Variants in SGCZ observed in about 807,000 individuals in gnomAD.
SGCZ encodes the protein sarcoglycan zeta, also known as zeta-sarcoglycan.
In SGCZ, 40 loss-of-function variants were observed where a neutral mutation model predicts 41.3. The observed-to-expected ratio is 0.97, with a 90% CI of 0.75 to 1.26. The LOEUF is 1.26. Ranked by LOEUF, SGCZ falls within the 50% of genes most tolerant of loss-of-function variation. SGCZ has a pLI of 0.00. For synonymous variants in SGCZ, 206 were observed against 137.5 expected (o/e 1.50, Z -3.49); for missense variants, 552 against 369.8 (o/e 1.49, Z -4.04).
At chr8:15,200,989 C>T (rs982660402) in intron 1 of SGCZ, among the ~76,000 whole-genome samples, 1 of 152,122 alleles carries the variant, frequency 6.6e-6, no homozygotes, top group African/African-American at 2.4e-5. Flanking sequence ...TCTCCCTTCC[C>T]CCACTACCAA....
At chr8:14,342,914 G>C (rs1276837716) in intron 2 of SGCZ, among the ~76,000 whole-genome samples, 1 of 152,290 alleles carries the variant, frequency 6.6e-6, no homozygotes, top group Admixed American at 6.5e-5. Flanking sequence ...GGAGGAAAAA[G>C]TGGTTTTGTG....
At chr8:14,710,287 G>C (rs1001486349) in intron 1 of SGCZ, among the ~76,000 whole-genome samples, 3 of 149,592 alleles carry the variant, frequency 2.0e-5, no homozygotes, top group Non-Finnish European at 4.4e-5. Flanking sequence ...GGGGAATGGA[G>C]TGAACCCGGC....
At chr8:14,264,852 A>C (rs4831290) in intron 3 of SGCZ, among the ~76,000 whole-genome samples, 38,826 of 151,926 alleles carry the variant, frequency 0.26, 6,345 homozygotes, top group Non-Finnish European at 0.37. Flanking sequence ...AGTCCCAGCT[A>C]CTCGGGAGGC....
At chr8:14,753,989 C>A (rs1300154241) in intron 1 of SGCZ, among the ~76,000 whole-genome samples, 1 of 152,092 alleles carries the variant, frequency 6.6e-6, no homozygotes, top group Non-Finnish European at 1.5e-5. Flanking sequence ...GTGGACTTTA[C>A]CTACTGTTTC....
intron 1 of SGCZ, among the ~76,000 whole-genome samples, chr8:14,649,745 C>T (rs923658454): frequency 6.6e-6 from 1 of 151,984 alleles, no homozygotes; most frequent in South Asian, 2.1e-4. Context: ...GAAACAAACG[C>T]CTGTGAGGCT....
At chr8:14,136,319 A>G (rs1803196913) in intron 5 of SGCZ, among the ~76,000 whole-genome samples, 1 of 152,182 alleles carries the variant, frequency 6.6e-6, no homozygotes, top group Admixed American at 6.5e-5. Flanking sequence ...GGTGCAGCCC[A>G]TGAAGTGTGA....
At chr8:14,455,264 C>T (rs1246156522) in intron 2 of SGCZ, among the ~76,000 whole-genome samples, 2 of 151,898 alleles carry the variant, frequency 1.3e-5, no homozygotes, top group South Asian at 2.1e-4. Context: ...GAACTTCAAA[C>T]AGGTAAAAAA....
chr8:14,348,304 A>G (rs184351509), intron 2 of SGCZ, among the ~76,000 whole-genome samples: 97 of 152,216 alleles, frequency 6.4e-4, no homozygotes, highest in African/African-American at 2.3e-3. Flanking sequence ...GCTTGAATCC[A>G]GACATCTCCC....
chr8:14,355,197 G>T (rs1291438700), intron 2 of SGCZ, among the ~76,000 whole-genome samples: 2 of 151,960 alleles, frequency 1.3e-5, no homozygotes, highest in Admixed American at 6.6e-5. Flanking sequence ...GCCACAAGCA[G>T]ATGTTTCATT....
At chr8:14,702,942 T>TAGAC (rs1193719175) in intron 1 of SGCZ, among the ~76,000 whole-genome samples, 1 of 126,790 alleles carries the variant, frequency 7.9e-6, no homozygotes, top group Non-Finnish European at 1.7e-5. Context: ...GATAGATAGA[T>TAGAC]AGATAGATAG....
chr8:14,136,373 G>A (rs548562134), intron 5 of SGCZ, among the ~76,000 whole-genome samples: 6 of 152,210 alleles, frequency 3.9e-5, no homozygotes, highest in East Asian at 3.9e-4. Flanking sequence ...AAGCTCAAGG[G>A]GTCAGAGAAT....
At chr8:14,672,502 T>G (rs571855960) in intron 1 of SGCZ, among the ~76,000 whole-genome samples, 2 of 152,300 alleles carry the variant, frequency 1.3e-5, no homozygotes, top group African/African-American at 4.8e-5. Context: ...ATATATGTTT[T>G]AAAGATGATT....
intron 1 of SGCZ, among the ~76,000 whole-genome samples, chr8:15,175,448 T>C (rs1458935421): frequency 1.3e-5 from 2 of 152,082 alleles, no homozygotes; most frequent in Non-Finnish European, 2.9e-5. Flanking sequence ...GAAAATCAGA[T>C]ACTGGATGAT....
intron 1 of SGCZ, among the ~76,000 whole-genome samples, chr8:14,741,974 G>C (rs1186678332): frequency 6.6e-6 from 1 of 151,864 alleles, no homozygotes; most frequent in South Asian, 2.1e-4. Flanking sequence ...CGTCTGTTTA[G>C]TCCTCCATAT....
chr8:14,794,040 G>T (rs1051708467), intron 1 of SGCZ, among the ~76,000 whole-genome samples: 1 of 152,040 alleles, frequency 6.6e-6, no homozygotes, highest in Non-Finnish European at 1.5e-5. Context: ...TAATAAAGAA[G>T]AACTTAAAGA....
At chr8:14,514,783 A>C (rs1032024339) in intron 2 of SGCZ, among the ~76,000 whole-genome samples, 1 of 100,388 alleles carries the variant, frequency 1.0e-5, no homozygotes, top group Non-Finnish European at 2.3e-5. Flanking sequence ...ATATATGTAA[A>C]TGTGTGTGTG....
chr8:15,060,340 T>TA (rs1289732624), intron 1 of SGCZ, among the ~76,000 whole-genome samples: 5 of 151,444 alleles, frequency 3.3e-5, no homozygotes, highest in African/African-American at 1.2e-4. Context: ...TATGCAGCCA[T>TA]AAAAAAGGAT....
At chr8:14,533,306 T>G (rs73190298) in intron 2 of SGCZ, among the ~76,000 whole-genome samples, 2 of 126,386 alleles carry the variant, frequency 1.6e-5, no homozygotes, top group African/African-American at 5.9e-5. Context: ...AATTTAAGAA[T>G]TTTTTACATT....
chr8:14,281,472 A>T (rs13269662), intron 3 of SGCZ, among the ~76,000 whole-genome samples: 141,747 of 151,920 alleles, frequency 0.93, 66,841 homozygotes, highest in East Asian at 1. Context: ...ATATCATAGA[A>T]CTTTGAGAAT....
Sources: gnomAD v4.1 joint callset for allele counts (sites outside exome capture counted in the v4.1 genomes callset) on GRCh38, gnomAD v4.1.1 for gene constraint, MANE v1.5 for transcripts, NCBI Gene and HGNC (gene_info 2026-07-23, HGNC 2026-07-21) for gene names.